Variants in SLC8B1 observed in about 807,000 individuals in gnomAD.
SLC8B1 encodes the protein solute carrier family 8 member B1, also known as mitochondrial sodium/calcium exchanger protein.
SLC8B1 carries 52 observed loss-of-function variants against 63.4 expected under a neutral mutation model. The ratio of observed to expected loss-of-function variants is 0.82; its 90% CI spans 0.66 to 1.03. The LOEUF (loss-of-function observed/expected upper bound fraction) is 1.03, where lower values mean the gene tolerates loss of function less well. SLC8B1 is among the 50% of genes least tolerant of loss of function. The pLI is 0.00. For missense variants in SLC8B1, 657 were observed against 741.7 expected (o/e 0.89, Z 1.33); for synonymous variants, 336 against 323.9 (o/e 1.04, Z -0.40).
At position 113,310,618 on chromosome 12, in the gene SLC8B1, C is replaced by T. The variant is rs550976142; in HGVS notation, c.1136-263G>A. Among the ~76,000 whole-genome samples, 4 of 152,340 alleles carry T rather than the reference C, an allele frequency of 2.6e-5. No homozygotes were observed. In the South Asian group the frequency reaches 8.3e-4, roughly 32 times the overall value. On this transcript the variant is annotated intron_variant, in intron 11 of 15. Transcript: ENST00000680972. ...TGGCTATAACCACTAACACCACCAC[C>T]CTCTTCCACCTTCATGGCAGACATC...
At chr12:113,325,412 C>T (rs900365644) in intron 2 of SLC8B1, among the ~76,000 whole-genome samples, 5 of 152,054 alleles carry the variant, frequency 3.3e-5, no homozygotes, top group Admixed American at 6.6e-5. Context: ...CACCACCACA[C>T]CCAGTTAATT....
chr12:113,330,522 G>A lies in SLC8B1; in HGVS notation c.156+2201C>T, dbSNP rs547016004. Among the ~76,000 whole-genome samples the A allele has an allele frequency of 3.3e-5, 5 of 152,286 alleles. No homozygotes were observed. In the South Asian group the frequency reaches 6.2e-4, roughly 19 times the overall value. Reference sequence around the variant, plus strand: ...ACAGAGATAATCACTCCCACCTCACGGGGTTTGGGGGAGGACTTGTGGGCA... The same window carrying A: ...ACAGAGATAATCACTCCCACCTCACAGGGTTTGGGGGAGGACTTGTGGGCA... On this transcript the variant is annotated intron_variant, in intron 2 of 15. Coordinates refer to ENST00000680972, the MANE Select transcript of SLC8B1 (RefSeq NM_001358345.2).
chr12:113,330,884 A>T (rs1441178729), intron 2 of SLC8B1, among the ~76,000 whole-genome samples: 2 of 152,086 alleles, frequency 1.3e-5, no homozygotes, highest in Non-Finnish European at 2.9e-5. Context: ...GGTCATCTTG[A>T]GCAGTCCTCT....
intron 2 of SLC8B1, among the ~76,000 whole-genome samples, chr12:113,325,881 CATTCTTGT>C (rs1956991537): frequency 6.6e-6 from 1 of 152,138 alleles, no homozygotes; most frequent in Non-Finnish European, 1.5e-5. Context: ...TTTTTGTCTG[CATTCTTGT>C]ATTTGCCCTG....
At chr12:113,311,893 G>A (rs991232575) in intron 11 of SLC8B1, among the ~76,000 whole-genome samples, 2 of 151,754 alleles carry the variant, frequency 1.3e-5, no homozygotes, top group African/African-American at 4.8e-5. Flanking sequence ...GCCAGCATGG[G>A]GTTTTTACCT....
chr12:113,329,242 G>A (rs1481530587), intron 2 of SLC8B1, among the ~76,000 whole-genome samples: 2 of 152,174 alleles, frequency 1.3e-5, no homozygotes, highest in Non-Finnish European at 2.9e-5. Flanking sequence ...GGCACAGAGA[G>A]GCAAAGTGGC....
chr12:113,299,767 G>T lies in SLC8B1; in HGVS notation c.*10C>A, dbSNP rs768508185. The stretch of plus-strand genomic sequence containing the variant: ...GCCTGCAGTGAGGCCACAGCACTAA[G>T]CGGCTTCAGTCACATGCTTTTCAGG... On this transcript the variant is annotated 3_prime_UTR_variant, in exon 16 of 16. Transcript: ENST00000680972. 3 of 1,613,850 alleles carry T rather than the reference G, an allele frequency of 1.9e-6. No individual in the cohort carries two copies. In the East Asian group the frequency reaches 6.7e-5, roughly 36 times the overall value.
At chr12:113,303,143 G>GCA (rs1566222686) in intron 15 of SLC8B1, among the ~76,000 whole-genome samples, 14 of 101,972 alleles carry the variant, frequency 1.4e-4, no homozygotes, top group Non-Finnish European at 2.2e-4. Flanking sequence ...ACACACACAC[G>GCA]CGCGCGCACA....
At chr12:113,306,066 CAA>C (rs60824560) in intron 14 of SLC8B1, among the ~76,000 whole-genome samples, 6 of 18,086 alleles carry the variant, frequency 3.3e-4, no homozygotes, top group Non-Finnish European at 6.1e-4. Context: ...CCCCACCCTG[CAA>C]AAAAAAAAAA....
Position 113,304,303 on chromosome 12 carries a change from C to T in SLC8B1, c.1557+18G>A. 1 of 1,612,156 alleles carries T rather than the reference C, an allele frequency of 6.2e-7. No homozygotes were observed. The highest frequency in any genetic ancestry group is 8.5e-7 in the Non-Finnish European group (1 of 1,178,336). ...CATCTTGGTTATATACACTTGTAAA[C>T]TTACAAGGAATACTCACCTTCACTT... On this transcript the variant is annotated intron_variant, in intron 15 of 15. Coordinates refer to ENST00000680972, the MANE Select transcript of SLC8B1 (RefSeq NM_001358345.2).
chr12:113,307,818 G>A lies in SLC8B1; in HGVS notation c.1284C>T (p.Thr428=), dbSNP rs984293478. 1.2e-6 allele frequency: 2 copies of A among 1,613,230 alleles called. No homozygotes were observed. Among genetic ancestry groups the A allele is most frequent in the Non-Finnish European group, 8.5e-7 (1 of 1,180,018 alleles). The part of the protein sequence containing the change: ...HWLFAFLGFL[T]SALWINAAAT... ...CGGCCGCGTTGATCCACAGGGCGCTGGTCAGAAAGCCCAGGAAAGCAAAGA... is the reference window on the plus strand; with the variant it reads ...CGGCCGCGTTGATCCACAGGGCGCTAGTCAGAAAGCCCAGGAAAGCAAAGA... Residue 428 remains threonine, a synonymous_variant, in exon 13 of 16, where the codon ACC becomes ACT. Coordinates refer to ENST00000680972, the MANE Select transcript of SLC8B1 (RefSeq NM_001358345.2).
At chr12:113,307,331 C>T (rs186983943) in intron 13 of SLC8B1, among the ~76,000 whole-genome samples, 1 of 152,128 alleles carries the variant, frequency 6.6e-6, no homozygotes, top group Admixed American at 6.5e-5. Context: ...CTGGCTGCTA[C>T]AGCTAGGGAA....
intron 8 of SLC8B1, 53 bp downstream of exon 8, chr12:113,318,911 C>T: frequency 6.9e-7 from 1 of 1,454,104 alleles, no homozygotes. Flanking sequence ...CTGAAGGGCA[C>T]AGAGGCCCCC....
intron 7 of SLC8B1, among the ~76,000 whole-genome samples, chr12:113,319,820 T>C (rs1956895435): frequency 1.3e-5 from 2 of 152,158 alleles, no homozygotes; most frequent in South Asian, 4.1e-4. Flanking sequence ...GACAGAGTCT[T>C]GCTCTGTTGC....
rs1334179072 is a variant in SLC8B1, at chr12:113,305,105, G to A, written c.1493-720C>T. Among the ~76,000 whole-genome samples, 1 of 152,212 alleles carries A rather than the reference G, an allele frequency of 6.6e-6. No individual in the cohort carries two copies. The highest frequency in any genetic ancestry group is 1.5e-5 in the Non-Finnish European group (1 of 68,030). ...TAAGCACTCAGTAGGTGGGGAAACCGAGGCCAGGAGAGATGAAGGGACTGC... is the reference window on the plus strand; with the variant it reads ...TAAGCACTCAGTAGGTGGGGAAACCAAGGCCAGGAGAGATGAAGGGACTGC... On this transcript the variant is annotated intron_variant, in intron 14 of 15. Coordinates refer to ENST00000680972, the MANE Select transcript of SLC8B1 (RefSeq NM_001358345.2). This position sits in a 1 kb window ranked among gnomAD's most constrained non-coding sequence, Gnocchi z 4.3.
In SLC8B1 at chr12:113,335,094, CCG is replaced by C. The variant is rs922594098; in HGVS notation, c.-736_-735del. 1 of 152,426 alleles carries C rather than the reference CCG, an allele frequency of 6.6e-6. No homozygotes were observed. Among genetic ancestry groups the C allele is most frequent in the Admixed American group, 6.5e-5 (1 of 15,290 alleles). The allele number at this position is 152,426 out of a possible 1,614,324, so 9.4% of individuals were successfully genotyped here. A position where few individuals can be genotyped will look rare whatever the true frequency, so the allele number is the denominator to read the frequency against. ...CCGGACCGACCTTGCGCCAGCGAAG[CCG>C]CCAGTCCGGGTGCCCCGCCTGCTGC... On this transcript the variant is annotated 5_prime_UTR_variant, in exon 1 of 16. Transcript: ENST00000680972.
At position 113,316,671 on chromosome 12, in the gene SLC8B1, C is replaced by CG. The variant is rs1566234379; in HGVS notation, c.863-16dup. 6.2e-7 allele frequency: 1 copy of CG among 1,611,962 alleles called. No homozygotes were observed. The highest frequency in any genetic ancestry group is 1.3e-5 in the African/African-American group (1 of 74,984). On this transcript the variant is annotated splice_polypyrimidine_tract_variant and intron_variant, in intron 9 of 15. Coordinates refer to ENST00000680972, the MANE Select transcript of SLC8B1 (RefSeq NM_001358345.2). Reference sequence around the variant, plus strand: ...GTACTCATCACCTGTGTGCAGGGGTCGGGTGGTGAGGTGTGCCTGCGGCTG... The same window carrying CG: ...GTACTCATCACCTGTGTGCAGGGGTCGGGGTGGTGAGGTGTGCCTGCGGCTG...
intron 2 of SLC8B1, 57 bp downstream of exon 2, chr12:113,332,666 T>G: frequency 1.3e-6 from 2 of 1,544,872 alleles, no homozygotes; most frequent in Non-Finnish European, 1.8e-6. Flanking sequence ...CAATAGATAT[T>G]TATCGATTGG....
rs760437111 is a variant in SLC8B1 at position 113,332,736 on chromosome 12, G to T, written c.143C>A (p.Thr48Asn). 1 of 1,613,946 alleles carries T rather than the reference G, an allele frequency of 6.2e-7. No individual in the cohort carries two copies. Among genetic ancestry groups the T allele is most frequent in the Non-Finnish European group, 8.5e-7 (1 of 1,179,924 alleles). ...CGGGATACTCACGTCTACCACGGGGGTCTGGTTCACACCTGAAGCTGGAAA... is the reference window on the plus strand; with the variant it reads ...CGGGATACTCACGTCTACCACGGGGTTCTGGTTCACACCTGAAGCTGGAAA... The part of the protein sequence containing the change: ...PQFPASGVNQ[T>N]PVVDCRKVCG... The change falls in exon 2 of 16, where the codon ACC becomes AAC. Residue 48 changes from threonine to asparagine, a missense_variant. Transcript: ENST00000680972.
Sources: allele counts gnomAD v4.1 joint callset (sites outside exome capture counted in the v4.1 genomes callset), GRCh38; gene constraint gnomAD v4.1.1; non-coding constraint Gnocchi (gnomAD v3.1); transcripts MANE v1.5; gene names NCBI Gene and HGNC (gene_info 2026-07-23, HGNC 2026-07-21).